Variants in TNFSF11 observed in about 807,000 individuals in gnomAD.
The protein encoded by TNFSF11 is tumor necrosis factor ligand superfamily member 11.
Under a neutral mutation model 32.2 loss-of-function variants are expected in TNFSF11, and 12 were observed. That is an observed-to-expected ratio of 0.37 (90% confidence interval 0.24 to 0.60). The LOEUF is 0.60. TNFSF11 is among the 20% of genes least tolerant of loss of function. The probability of loss-of-function intolerance (pLI) is 0.66; values close to 1 mark genes in which losing one functional copy is unlikely to be tolerated. For synonymous variants in TNFSF11, 172 were observed against 152.1 expected (o/e 1.13, Z -0.96); for missense variants, 345 against 398.0 (o/e 0.87, Z 1.13).
chr13:42,584,598 C>G (rs1022926), intron 2 of TNFSF11, among the ~76,000 whole-genome samples: 122,895 of 152,186 alleles, frequency 0.81, 49,801 homozygotes, highest in South Asian at 0.88. Flanking sequence ...AGAATTTTCA[C>G]TATTTTAGGA....
intron 2 of TNFSF11, among the ~76,000 whole-genome samples, chr13:42,584,394 G>T (rs944433898): frequency 2.0e-5 from 3 of 152,188 alleles, no homozygotes; most frequent in African/African-American, 7.2e-5. Context: ...ATCCCAGATT[G>T]AGAGAGTACT....
intron 2 of TNFSF11, among the ~76,000 whole-genome samples, chr13:42,585,054 T>C (rs1873816539): frequency 6.6e-6 from 1 of 152,202 alleles, no homozygotes; most frequent in Non-Finnish European, 1.5e-5. Flanking sequence ...TGCCATGTCT[T>C]TCCCTATGCC....
At chr13:42,599,349 C>CATCTATCTATCTATCTATCT (rs1555310744) in intron 2 of TNFSF11, among the ~76,000 whole-genome samples, 46 of 112,246 alleles carry the variant, frequency 4.1e-4, no homozygotes, top group East Asian at 8.1e-4. Flanking sequence ...ATCTATCTAT[C>CATCTATCTATCTATCTATCT]ATCTATCTAT....
rs540461484 is a variant in TNFSF11, at chr13:42,583,457, A to C, written c.387+2164A>C. ...AAAAAAAGAAAGGAAGAAAGGAAGGAAGGAAAAAGATTATTAACATTATTT... is the reference window on the plus strand; with the variant it reads ...AAAAAAAGAAAGGAAGAAAGGAAGGCAGGAAAAAGATTATTAACATTATTT... On this transcript the variant is annotated intron_variant, in intron 2 of 4. Transcript: ENST00000398795. Among the ~76,000 whole-genome samples, 52 of 142,116 alleles carry C rather than the reference A, an allele frequency of 3.7e-4. 1 individual carries two copies. Among genetic ancestry groups the C allele is most frequent in the African/African-American group, 1.3e-3 (52 of 39,542 alleles). 93.2% of individuals were successfully genotyped at this position (142,116 alleles called of 152,430 possible). A position where few individuals can be genotyped will look rare whatever the true frequency, so the allele number is the denominator to read the frequency against.
In TNFSF11 at chr13:42,574,509, A is replaced by G. The variant is rs748143072; in HGVS notation, c.206A>G (p.Tyr69Cys). Residue 69 changes from tyrosine to cysteine, a missense_variant, in exon 1 of 5, where the codon TAT (tyrosine) becomes TGT (cysteine). Physicochemically the swap from Tyr to Cys is radical, Grantham distance 194. Around this residue, in one of 2 missense-constraint regions of TNFSF11, gnomAD observed 197 missense variants for 182.0 expected, o/e 1.08. Coordinates refer to ENST00000398795, the MANE Select transcript of TNFSF11 (RefSeq NM_003701.4). ...GTCTGCAGCGTCGCCCTGTTCTTCT[A>G]TTTCAGAGCGCAGGTGAGTGGCCAC... The part of the protein sequence containing the change: ...QVVCSVALFF[Y>C]FRAQMDPNRI... 14 of 1,608,226 alleles carry G rather than the reference A, an allele frequency of 8.7e-6. No individual in the cohort carries two copies. The highest frequency in any genetic ancestry group is 1.7e-5 in the Admixed American group (1 of 59,974).
rs185848407 is a variant in TNFSF11, at chr13:42,592,222, G to C, written c.388-8530G>C. Among the ~76,000 whole-genome samples the C allele has an allele frequency of 2.2e-3, 332 of 152,220 alleles. 8 individuals are homozygous for C. The highest frequency in any genetic ancestry group is 0.021 in the Admixed American group (320 of 15,294). On this transcript the variant is annotated intron_variant, in intron 2 of 4. Transcript: ENST00000398795. ...GTAACACAGCCCCAACAGGTTAAAG[G>C]CTCAGCCCCACAAGACTGTCCCACT...
rs1243841427 is a variant in TNFSF11, at chr13:42,607,748, T to G, written c.*830T>G. ...CTTTCAAATTTAGAAACTAATTGAC[T>G]TTAGAAAGCTGACATTGCCAAAAAG... On this transcript the variant is annotated 3_prime_UTR_variant, in exon 5 of 5. Transcript: ENST00000398795. 1 of 152,772 alleles carries G rather than the reference T, an allele frequency of 6.5e-6. No homozygotes were observed. The highest frequency in any genetic ancestry group is 2.1e-4 in the South Asian group (1 of 4,826). The allele number at this position is 152,772 out of a possible 1,614,324, so 9.5% of individuals were successfully genotyped here.
At chr13:42,596,366 C>T (rs1478425351) in intron 2 of TNFSF11, among the ~76,000 whole-genome samples, 1 of 152,120 alleles carries the variant, frequency 6.6e-6, no homozygotes, top group African/African-American at 2.4e-5. Context: ...CCAGGATCCC[C>T]AGCAGCCAGA....
At chr13:42,579,859 A>G (rs760682097) in intron 1 of TNFSF11, among the ~76,000 whole-genome samples, 7 of 152,040 alleles carry the variant, frequency 4.6e-5, no homozygotes, top group Non-Finnish European at 8.8e-5. Flanking sequence ...CTCTTCCATG[A>G]TGATTATAGG....
chr13:42,585,848 G>T (rs958940903), intron 2 of TNFSF11, among the ~76,000 whole-genome samples: 1 of 152,104 alleles, frequency 6.6e-6, no homozygotes, highest in African/African-American at 2.4e-5. Flanking sequence ...TTTCACATTG[G>T]GTACCTGTTT....
At chr13:42,588,221 C>A (rs1873992171) in intron 2 of TNFSF11, among the ~76,000 whole-genome samples, 1 of 152,196 alleles carries the variant, frequency 6.6e-6, no homozygotes, top group African/African-American at 2.4e-5. Context: ...AGTTTTCCTA[C>A]AAAACCAAGG....
At chr13:42,602,833 T>C (rs1485157906) in intron 4 of TNFSF11, among the ~76,000 whole-genome samples, 1 of 152,250 alleles carries the variant, frequency 6.6e-6, no homozygotes, top group African/African-American at 2.4e-5. Context: ...TGGCATATGA[T>C]AAATATTGCA....
chr13:42,586,999 T>TAA (rs1873931006), intron 2 of TNFSF11, among the ~76,000 whole-genome samples: 2 of 152,228 alleles, frequency 1.3e-5, no homozygotes, highest in Non-Finnish European at 2.9e-5. Context: ...TTATTTGGTA[T>TAA]AGTCTGAGCT....
chr13:42,565,927 G>T (rs1056082524), intron 1 of TNFSF11, among the ~76,000 whole-genome samples: 16 of 152,170 alleles, frequency 1.1e-4, no homozygotes, highest in African/African-American at 3.9e-4. Context: ...AGCACTCTGG[G>T]AATATGGCAG....
intron 2 of TNFSF11, among the ~76,000 whole-genome samples, chr13:42,596,779 C>G (rs549840717): frequency 3.5e-4 from 53 of 152,336 alleles, no homozygotes; most frequent in African/African-American, 1.3e-3. Flanking sequence ...TGAGATGTCA[C>G]CAAACAACTA....
At chr13:42,599,190 A>G (rs1331077331) in intron 2 of TNFSF11, among the ~76,000 whole-genome samples, 1 of 152,236 alleles carries the variant, frequency 6.6e-6, no homozygotes, top group African/African-American at 2.4e-5. Context: ...TCCAACGGTC[A>G]TTAAAAACAA....
intron 2 of TNFSF11, among the ~76,000 whole-genome samples, chr13:42,591,371 C>A (rs995889439): frequency 6.6e-6 from 1 of 152,056 alleles, no homozygotes; most frequent in African/African-American, 2.4e-5. Context: ...CCACTGGACC[C>A]CTTGCCCACC....
chr13:42,569,520 C>G (rs1872980860), upstream of TNFSF11, among the ~76,000 whole-genome samples: 1 of 149,206 alleles, frequency 6.7e-6, no homozygotes, highest in South Asian at 2.1e-4. Context: ...TGCACTCCAG[C>G]CTGGGCTACA....
Position 42,607,029 on chromosome 13 carries a change from A to G in TNFSF11, c.*111A>G, listed in dbSNP as rs1869499657. 1 of 1,295,278 alleles carries G rather than the reference A, an allele frequency of 7.7e-7. No individual in the cohort carries two copies. The highest frequency in any genetic ancestry group is 1.5e-5 in the African/African-American group (1 of 68,380). 80.2% of individuals were successfully genotyped at this position (1,295,278 alleles called of 1,614,324 possible). On this transcript the variant is annotated 3_prime_UTR_variant, in exon 5 of 5. Transcript: ENST00000398795. ...GAGACTACTAAGAGGCATGGCCCCA[A>G]CGGTACACGACTCAGTATCCATGCT...
Sources: gnomAD v4.1 joint callset for allele counts (sites outside exome capture counted in the v4.1 genomes callset) on GRCh38, gnomAD v4.1.1 for gene constraint, gnomAD v4.1.1 regional missense constraint, MANE v1.5 for transcripts, NCBI Gene and HGNC (gene_info 2026-07-23, HGNC 2026-07-21) for gene names.